Variants in GRIN2A observed in about 807,000 individuals in gnomAD.
GRIN2A encodes glutamate receptor ionotropic, NMDA 2A.
GRIN2A carries 22 observed loss-of-function variants against 113.4 expected under a neutral mutation model. The ratio of observed to expected loss-of-function variants is 0.19; its 90% CI spans 0.14 to 0.28. GRIN2A has a LOEUF of 0.28. Ranked by LOEUF, GRIN2A falls within the 10% of genes least tolerant of loss-of-function variation. The probability of loss-of-function intolerance (pLI) is 1.00; values close to 1 mark genes in which losing one functional copy is unlikely to be tolerated. For missense variants in GRIN2A, 1,502 were observed against 1,887.0 expected (o/e 0.80, Z 3.78); for synonymous variants, 827 against 738.4 (o/e 1.12, Z -1.94).
At chr16:9,901,702 C>A (rs933081665) in intron 3 of GRIN2A, among the ~76,000 whole-genome samples, 1 of 152,144 alleles carries the variant, frequency 6.6e-6, no homozygotes, top group African/African-American at 2.4e-5. Flanking sequence ...CCATCTGCCT[C>A]GGCCTCCCAA....
chr16:9,851,219 T>A (rs1027825451), intron 4 of GRIN2A, among the ~76,000 whole-genome samples: 3 of 152,184 alleles, frequency 2.0e-5, no homozygotes, highest in African/African-American at 7.2e-5. Context: ...CTGGAAAATT[T>A]TTGCTGGCTA....
At chr16:10,173,928 A>T (rs1176617794) in intron 2 of GRIN2A, among the ~76,000 whole-genome samples, 8 of 152,242 alleles carry the variant, frequency 5.3e-5, no homozygotes, top group Admixed American at 4.6e-4. Context: ...TAAGACATAG[A>T]ATTTTTAAAG....
At chr16:9,813,186 TAATA>T (rs1400914083) in intron 10 of GRIN2A, among the ~76,000 whole-genome samples, 1 of 152,200 alleles carries the variant, frequency 6.6e-6, no homozygotes, top group African/African-American at 2.4e-5. Flanking sequence ...CTAAATTAAT[TAATA>T]TTCCTCTAGC....
intron 3 of GRIN2A, among the ~76,000 whole-genome samples, chr16:9,926,959 C>G (rs554368038): frequency 6.6e-6 from 1 of 151,582 alleles, no homozygotes; most frequent in East Asian, 1.9e-4. Context: ...CAACACAGGT[C>G]AATTTGCAGC....
intron 11 of GRIN2A, 78 bp downstream of exon 11, chr16:9,798,199 C>T: frequency 8.6e-7 from 1 of 1,168,964 alleles, no homozygotes; most frequent in Non-Finnish European, 1.3e-6. Context: ...CAAAGATCCA[C>T]TGGGAAGCCC....
chr16:9,891,067 G>C lies in GRIN2A; in HGVS notation c.1041C>G (p.Asp347Glu), dbSNP rs1390365288. The change falls in exon 4 of 13, where the codon GAC becomes GAG. Residue 347 changes from aspartate to glutamate, a missense_variant. Asp to Glu is a conservative substitution (Grantham distance 45, BLOSUM62 2). Coordinates refer to ENST00000330684, the MANE Select transcript of GRIN2A (RefSeq NM_001134407.3). ...FMVNVTWDGK[D>E]LSFTEEGYQV... ...GGTAGCCTTCCTCAGTGAAGGATAA[G>C]TCTTTGCCATCCCATGTAACATTGA... 1.2e-6 allele frequency: 2 copies of C among 1,612,456 alleles called. No homozygotes were observed. Among genetic ancestry groups the C allele is most frequent in the Non-Finnish European group, 8.5e-7 (1 of 1,178,584 alleles).
At chr16:10,059,870 G>T (rs1362847323) in intron 2 of GRIN2A, among the ~76,000 whole-genome samples, 4 of 152,146 alleles carry the variant, frequency 2.6e-5, no homozygotes, top group Non-Finnish European at 2.9e-5. Context: ...CACTCCAGGT[G>T]TTTCCAACAG....
At chr16:10,083,959 C>G (rs1478857060) in intron 2 of GRIN2A, among the ~76,000 whole-genome samples, 1 of 152,058 alleles carries the variant, frequency 6.6e-6, no homozygotes, top group African/African-American at 2.4e-5. Context: ...AAATATGAGC[C>G]AGGCATGGGG....
At chr16:10,063,138 C>T (rs1269398623) in intron 2 of GRIN2A, among the ~76,000 whole-genome samples, 2 of 152,160 alleles carry the variant, frequency 1.3e-5, no homozygotes, top group East Asian at 1.9e-4. Context: ...AAAACAAATA[C>T]TTCATGTTCT....
chr16:10,087,022 A>G (rs185378088), intron 2 of GRIN2A, among the ~76,000 whole-genome samples: 8 of 152,334 alleles, frequency 5.3e-5, no homozygotes, highest in Admixed American at 1.3e-4. Flanking sequence ...GGGAGGAGGA[A>G]CAAGGAGTGG....
chr16:9,864,461 G>C (rs2141407986), intron 4 of GRIN2A, among the ~76,000 whole-genome samples: 1 of 152,140 alleles, frequency 6.6e-6, no homozygotes, highest in South Asian at 2.1e-4. Flanking sequence ...CTTGAAAAGT[G>C]GTAAAATGTG....
At position 9,986,744 on chromosome 16, in the gene GRIN2A, A is replaced by C. The variant is rs575516049; in HGVS notation, c.415-48193T>G. On this transcript the variant is annotated intron_variant, in intron 2 of 12. Transcript: ENST00000330684. ...CACGCCATTGCACTCCAACCCAGGC[A>C]ACAGTGCAAGACGCTGTCTCAAAAA... is the stretch of plus-strand genomic sequence containing the variant. Among the ~76,000 whole-genome samples, 6 of 147,676 alleles carry C rather than the reference A, an allele frequency of 4.1e-5. No homozygotes were observed. The East Asian group carries it at 1.2e-3, about 29-fold the overall frequency.
chr16:9,969,565 T>A (rs1422262181), intron 2 of GRIN2A, among the ~76,000 whole-genome samples: 1 of 152,164 alleles, frequency 6.6e-6, no homozygotes, highest in Non-Finnish European at 1.5e-5. Flanking sequence ...CCAGTTAAGC[T>A]CAGCAGACTC....
intron 12 of GRIN2A, among the ~76,000 whole-genome samples, chr16:9,767,482 C>T (rs1900990647): frequency 6.6e-6 from 1 of 151,768 alleles, no homozygotes. Flanking sequence ...TATACATGTG[C>T]TGTGTTGGTT....
At chr16:10,014,931 A>T (rs837692) in intron 2 of GRIN2A, among the ~76,000 whole-genome samples, 1 of 151,936 alleles carries the variant, frequency 6.6e-6, no homozygotes, top group Non-Finnish European at 1.5e-5. Context: ...AAGCAGGAGG[A>T]CATTAGAAGG....
At chr16:9,955,480 G>A (rs529641293) in intron 2 of GRIN2A, among the ~76,000 whole-genome samples, 4 of 152,254 alleles carry the variant, frequency 2.6e-5, no homozygotes, top group African/African-American at 9.6e-5. Context: ...TTAGGTTAGT[G>A]CAAAAGTAAA....
At chr16:9,891,602 G>A (rs2043695932) in intron 3 of GRIN2A, among the ~76,000 whole-genome samples, 1 of 152,174 alleles carries the variant, frequency 6.6e-6, no homozygotes, top group South Asian at 2.1e-4. Flanking sequence ...TAAGGGGGAG[G>A]ATAGTCATGA....
rs565877354 is a variant in GRIN2A, at chr16:10,072,946, C to CCCCTTTTTT, written c.414+107051_414+107052insAAAAAAGGG. Among the ~76,000 whole-genome samples, 268 of 104,232 alleles carry CCCCTTTTTT rather than the reference C, an allele frequency of 2.6e-3. 4 individuals are homozygous for CCCCTTTTTT. Among genetic ancestry groups the CCCCTTTTTT allele is most frequent in the African/African-American group, 8.1e-3 (221 of 27,300 alleles). 68.4% of individuals were successfully genotyped at this position (104,232 alleles called of 152,430 possible). A position where few individuals can be genotyped will look rare whatever the true frequency, so the allele number is the denominator to read the frequency against. On this transcript the variant is annotated intron_variant, in intron 2 of 12. Coordinates refer to ENST00000330684, the MANE Select transcript of GRIN2A (RefSeq NM_001134407.3). ...TGAGGAAACTCAGTGACAAGACCCC[C>CCCCTTTTTT]TTTTTTTTTTTTTTTTTTTTTGAGA...
intron 2 of GRIN2A, among the ~76,000 whole-genome samples, chr16:10,090,657 T>G (rs2048168763): frequency 6.6e-6 from 1 of 152,170 alleles, no homozygotes; most frequent in Non-Finnish European, 1.5e-5. Context: ...CATTCATTAT[T>G]CTTTTACTAG....
Sources: gnomAD v4.1 joint callset for allele counts (sites outside exome capture counted in the v4.1 genomes callset) on GRCh38, gnomAD v4.1.1 for gene constraint, MANE v1.5 for transcripts, NCBI Gene and HGNC (gene_info 2026-07-23, HGNC 2026-07-21) for gene names.